Variants in HTR2C observed in about 807,000 individuals in gnomAD.
HTR2C encodes 5-hydroxytryptamine (serotonin) receptor 2C, G protein-coupled.
HTR2C carries 5 observed loss-of-function variants against 21.0 expected under a neutral mutation model. The ratio of observed to expected loss-of-function variants is 0.24; its 90% CI spans 0.12 to 0.50. The LOEUF (loss-of-function observed/expected upper bound fraction) is 0.50, where lower values mean the gene tolerates loss of function less well. HTR2C is among the 20% of genes least tolerant of loss of function. The probability of loss-of-function intolerance (pLI) is 0.98; values close to 1 mark genes in which losing one functional copy is unlikely to be tolerated. For missense variants in HTR2C, 271 were observed against 371.2 expected (o/e 0.73, Z 2.22); for synonymous variants, 150 against 145.3 (o/e 1.03, Z -0.23).
intron 4 of HTR2C, among the ~76,000 whole-genome samples, chrX:114,741,524 T>TAAAAAAAAAAAAAAAAAAA (rs782206973): frequency 4.1e-4 from 2 of 4,898 alleles, no homozygotes; most frequent in Non-Finnish European, 5.2e-4. Context: ...CGACTCCGTC[T>TAAAAAAAAAAAAAAAAAAA]AAAAAAAAAA....
At chrX:114,622,187 A>G (rs1158852053) in intron 2 of HTR2C, among the ~76,000 whole-genome samples, 1 of 111,863 alleles carries the variant, frequency 8.9e-6, no homozygotes, top group African/African-American at 3.3e-5. Flanking sequence ...CAGCAGATTA[A>G]AAAGGGAAGC....
intron 4 of HTR2C, among the ~76,000 whole-genome samples, chrX:114,830,864 C>G (rs1490628692): frequency 1.6e-5 from 1 of 60,886 alleles, no homozygotes; most frequent in Non-Finnish European, 3.0e-5. Context: ...CACCCCACAA[C>G]AGTCCCCAGA....
At chrX:114,685,962 G>A (rs1556414153) in intron 2 of HTR2C, among the ~76,000 whole-genome samples, 1 of 110,962 alleles carries the variant, frequency 9.0e-6, no homozygotes, top group Admixed American at 9.7e-5. Context: ...AAATTGGCCT[G>A]ATCATCTTAT....
intron 3 of HTR2C, among the ~76,000 whole-genome samples, 191 bp downstream of exon 3, chrX:114,727,162 C>G (rs1223340806): frequency 1.8e-5 from 2 of 111,787 alleles, no homozygotes; most frequent in African/African-American, 6.5e-5. Flanking sequence ...AAAATTTGGA[C>G]TCTAATTAAG....
In HTR2C at chrX:114,663,098, C is replaced by T. The variant is rs782409696; in HGVS notation, c.-80+49217C>T. ...AGAACCCAACTTAGTTCTTGAAGTG[C>T]CGTAGGTCTCACCTTCCCAATTAGA... On this transcript the variant is annotated intron_variant, in intron 2 of 5. Transcript: ENST00000276198. 4.5e-5 allele frequency among the ~76,000 whole-genome samples: 5 copies of T among 111,583 alleles called. No homozygotes were observed. In the South Asian group the frequency reaches 1.5e-3, roughly 33 times the overall value.
intron 4 of HTR2C, among the ~76,000 whole-genome samples, chrX:114,830,364 G>T (rs1468815871): frequency 9.0e-6 from 1 of 111,608 alleles, no homozygotes; most frequent in Non-Finnish European, 1.9e-5. Flanking sequence ...AAGCCAGGAG[G>T]TAAGGGAAGT....
At chrX:114,611,172 T>C (rs919142312) in intron 1 of HTR2C, among the ~76,000 whole-genome samples, 2 of 111,770 alleles carry the variant, frequency 1.8e-5, no homozygotes, top group Non-Finnish European at 3.8e-5. Flanking sequence ...ATTACAATCA[T>C]AGCACACATT....
At chrX:114,597,731 C>T (rs1037300583) in intron 1 of HTR2C, among the ~76,000 whole-genome samples, 30 of 111,797 alleles carry the variant, frequency 2.7e-4, no homozygotes, top group African/African-American at 9.8e-4. Flanking sequence ...AAATGTGATA[C>T]TGGATCTCTG....
At chrX:114,812,796 A>G (rs1269620283) in intron 4 of HTR2C, among the ~76,000 whole-genome samples, 1 of 111,456 alleles carries the variant, frequency 9.0e-6, no homozygotes, top group East Asian at 2.8e-4. Flanking sequence ...TTAAACCCAA[A>G]TAACCTGGTA....
At chrX:114,651,638 A>T (rs1284762861) in intron 2 of HTR2C, 1 of 124,950 alleles carries the variant, frequency 8.0e-6, no homozygotes, top group Non-Finnish European at 1.9e-5. Context: ...GACAGCCAGA[A>T]GGGTAAAACA....
At chrX:114,882,203 A>G (rs2071186903) in intron 5 of HTR2C, among the ~76,000 whole-genome samples, 2 of 110,904 alleles carry the variant, frequency 1.8e-5, no homozygotes, top group African/African-American at 6.5e-5. Flanking sequence ...ATTTTATATC[A>G]TGCAAACTTT....
intron 2 of HTR2C, among the ~76,000 whole-genome samples, chrX:114,635,718 A>G (rs1929816391): frequency 8.9e-6 from 1 of 111,767 alleles, no homozygotes; most frequent in South Asian, 3.7e-4. Flanking sequence ...TTTAATTTTT[A>G]TGGTAATCAC....
At chrX:114,711,022 G>A (rs1932884917) in intron 2 of HTR2C, among the ~76,000 whole-genome samples, 2 of 111,579 alleles carry the variant, frequency 1.8e-5, no homozygotes, top group Admixed American at 1.9e-4. Flanking sequence ...AGTGTTTTAT[G>A]AAACCTGTAG....
rs978503153 is a variant in HTR2C, at chrX:114,656,550, A to G, written c.-80+42669A>G. 2.7e-5 allele frequency among the ~76,000 whole-genome samples: 3 copies of G among 111,408 alleles called. No homozygotes were observed. The East Asian group carries it at 8.5e-4, about 31-fold the overall frequency. On this transcript the variant is annotated intron_variant, in intron 2 of 5. Coordinates refer to ENST00000276198, the MANE Select transcript of HTR2C (RefSeq NM_000868.4). ...AGGAGAAATGGAGTGAGAAACAGAA[A>G]TAGAGAGTTTTTAATCCAGAGAGAC...
intron 2 of HTR2C, among the ~76,000 whole-genome samples, chrX:114,641,726 G>A (rs781861912): frequency 2.7e-5 from 3 of 112,009 alleles, no homozygotes; most frequent in African/African-American, 6.5e-5. Flanking sequence ...GAGAAAAGAT[G>A]TTATGCCATT....
intron 5 of HTR2C, among the ~76,000 whole-genome samples, chrX:114,893,647 T>C: frequency 9.0e-6 from 1 of 111,396 alleles, no homozygotes; most frequent in Non-Finnish European, 1.9e-5. Flanking sequence ...TAGGCCAATA[T>C]GCTTTGAATA....
intron 5 of HTR2C, among the ~76,000 whole-genome samples, chrX:114,901,415 T>G (rs1396047323): frequency 9.0e-6 from 1 of 111,686 alleles, no homozygotes. Context: ...AATAAACACT[T>G]AATGAATGAT....
At chrX:114,624,308 ATTAC>A (rs1273304851) in intron 2 of HTR2C, among the ~76,000 whole-genome samples, 1 of 111,427 alleles carries the variant, frequency 9.0e-6, no homozygotes, top group East Asian at 2.8e-4. Flanking sequence ...TCTTTCCATT[ATTAC>A]TTATTATTTT....
rs1340382222 is a variant in HTR2C, at chrX:114,821,884, T to TC, written c.350-26119_350-26118insC. Among the ~76,000 whole-genome samples the TC allele has an allele frequency of 5.7e-5, 6 of 105,919 alleles. No homozygotes were observed. The Admixed American group carries it at 6.1e-4, about 11-fold the overall frequency. The allele number at this position is 105,919 out of a possible 115,157, so 92.0% of individuals were successfully genotyped here. ...ATTATAAAGACTAAATATCCTTTTT[T>TC]TTTTTTTTTTTTGAGATGGAGTCTC... On this transcript the variant is annotated intron_variant, in intron 4 of 5. Coordinates refer to ENST00000276198, the MANE Select transcript of HTR2C (RefSeq NM_000868.4).
Sources: gnomAD v4.1 joint callset for allele counts (sites outside exome capture counted in the v4.1 genomes callset) on GRCh38, gnomAD v4.1.1 for gene constraint, MANE v1.5 for transcripts, NCBI Gene and HGNC (gene_info 2026-07-23, HGNC 2026-07-21) for gene names.